Variants in IGSF11 observed in about 807,000 individuals in gnomAD.
The protein encoded by IGSF11 is CXADR like 1.
In IGSF11, 22 loss-of-function variants were observed where a neutral mutation model predicts 41.0. The ratio of observed to expected loss-of-function variants is 0.54; its 90% CI spans 0.38 to 0.77. IGSF11 has a LOEUF of 0.77. Ranked by LOEUF, IGSF11 falls within the 30% of genes least tolerant of loss-of-function variation. The pLI, the probability that IGSF11 is intolerant of heterozygous loss-of-function variation, is 0.00. For synonymous variants in IGSF11, 219 were observed against 201.3 expected (o/e 1.09, Z -0.74); for missense variants, 444 against 530.8 (o/e 0.84, Z 1.61).
intron 1 of IGSF11, among the ~76,000 whole-genome samples, chr3:118,990,161 AAG>A (rs1935651395): frequency 6.6e-6 from 1 of 152,220 alleles, no homozygotes; most frequent in Non-Finnish European, 1.5e-5. Context: ...GGAACCACTG[AAG>A]AGTTTTATAA....
intron 1 of IGSF11, among the ~76,000 whole-genome samples, chr3:119,084,882 A>T (rs1368612661): frequency 6.6e-6 from 1 of 152,168 alleles, no homozygotes; most frequent in Non-Finnish European, 1.5e-5. Context: ...CCAAGACAGG[A>T]TCTGTGCCCG....
chr3:119,027,339 T>C (rs992247165), intron 1 of IGSF11, among the ~76,000 whole-genome samples: 4 of 152,216 alleles, frequency 2.6e-5, no homozygotes, highest in African/African-American at 9.6e-5. Context: ...CAAAATTATC[T>C]GAAAATGCTG....
chr3:118,951,311 C>A (rs1451495093), intron 1 of IGSF11, among the ~76,000 whole-genome samples: 1 of 152,136 alleles, frequency 6.6e-6, no homozygotes, highest in Non-Finnish European at 1.5e-5. Flanking sequence ...AGCTGGCTGA[C>A]AAATGAGTAT....
At chr3:119,088,481 T>C (rs1576784628) in intron 1 of IGSF11, among the ~76,000 whole-genome samples, 1 of 151,962 alleles carries the variant, frequency 6.6e-6, no homozygotes, top group Admixed American at 6.5e-5. Flanking sequence ...GTTAGAAAGA[T>C]CTCATATTAA....
chr3:118,970,800 A>C (rs991955880), intron 1 of IGSF11, among the ~76,000 whole-genome samples: 3 of 152,130 alleles, frequency 2.0e-5, no homozygotes, highest in Admixed American at 2.0e-4. Context: ...TAAAATCTTA[A>C]AGCATTAAAA....
chr3:118,957,535 T>A (rs1945048426), intron 1 of IGSF11, among the ~76,000 whole-genome samples: 1 of 152,214 alleles, frequency 6.6e-6, no homozygotes, highest in African/African-American at 2.4e-5. Context: ...AATAGTATTC[T>A]CTTATCAGAA....
At chr3:119,085,605 A>G (rs2076658428) in intron 1 of IGSF11, among the ~76,000 whole-genome samples, 1 of 152,212 alleles carries the variant, frequency 6.6e-6, no homozygotes, top group African/African-American at 2.4e-5. Flanking sequence ...ATCAACATCC[A>G]GGTGAAAGTT....
intron 1 of IGSF11, among the ~76,000 whole-genome samples, chr3:119,003,506 C>T (rs1352717935): frequency 3.3e-5 from 5 of 151,060 alleles, no homozygotes; most frequent in Non-Finnish European, 5.9e-5. Context: ...ACTTCCAACA[C>T]TATGTTGAAT....
At chr3:119,108,209 C>A (rs950098461), upstream of IGSF11, among the ~76,000 whole-genome samples, 12 of 151,662 alleles carry the variant, frequency 7.9e-5, no homozygotes, top group African/African-American at 2.7e-4. Flanking sequence ...ATTGATTCTT[C>A]CTACCCATGA....
rs1938882746 is a variant in IGSF11 at position 118,901,745 on chromosome 3, T to C, written c.*775A>G. ...CTTTCTTAGCCCAATGCCTCTCATG[T>C]ATTTAAAAAAAAAAAAAAGCCTTTT... On this transcript the variant is annotated 3_prime_UTR_variant, in exon 7 of 7. Transcript: ENST00000393775. 7.9e-6 allele frequency: 1 copy of C among 126,646 alleles called. No homozygotes were observed. Among genetic ancestry groups the C allele is most frequent in the Non-Finnish European group, 1.6e-5 (1 of 63,262 alleles). 7.8% of individuals were successfully genotyped at this position (126,646 alleles called of 1,614,324 possible).
chr3:118,932,919 A>T (rs1167608491), intron 1 of IGSF11, among the ~76,000 whole-genome samples: 2 of 152,212 alleles, frequency 1.3e-5, no homozygotes, highest in Non-Finnish European at 2.9e-5. Flanking sequence ...TCTTTGATAC[A>T]AATTTTTTAA....
chr3:118,966,990 T>C (rs1945729127), intron 1 of IGSF11, among the ~76,000 whole-genome samples: 1 of 151,722 alleles, frequency 6.6e-6, no homozygotes, highest in South Asian at 2.1e-4. Flanking sequence ...AAAGATAAGC[T>C]AAGAAAGGGA....
rs1365425591 is a variant in IGSF11, at chr3:119,058,829, A to G, written c.49+46315T>C. On this transcript the variant is annotated intron_variant, in intron 1 of 6. Coordinates refer to the IGSF11 transcript ENST00000354673. The stretch of plus-strand genomic sequence containing the variant: ...ATGAGTTCATGTCCTTTGTAGGGAC[A>G]TGGATGAAGCTGGAAACCATCATTC... Among the ~76,000 whole-genome samples the G allele has an allele frequency of 2.0e-5, 3 of 152,226 alleles. No individual in the cohort carries two copies. In the East Asian group the frequency reaches 5.8e-4, roughly 29 times the overall value.
intron 1 of IGSF11, chr3:118,981,820 C>A (rs1934753584): frequency 6.6e-6 from 1 of 152,434 alleles, no homozygotes; most frequent in Admixed American, 6.5e-5. Flanking sequence ...CCAGTAAAGA[C>A]TTCGACCCAC....
At chr3:118,974,212 T>C (rs1453516829) in intron 1 of IGSF11, among the ~76,000 whole-genome samples, 2 of 152,054 alleles carry the variant, frequency 1.3e-5, no homozygotes, top group Admixed American at 6.5e-5. Flanking sequence ...AACGTCAAGA[T>C]AGAAGCATGG....
intron 1 of IGSF11, among the ~76,000 whole-genome samples, chr3:119,049,365 G>A (rs1941515148): frequency 6.6e-6 from 1 of 151,980 alleles, no homozygotes; most frequent in Non-Finnish European, 1.5e-5. Flanking sequence ...CAGACAAACA[G>A]AGAGCCAAAT....
chr3:118,939,100 A>G (rs996106093), intron 1 of IGSF11, among the ~76,000 whole-genome samples: 1 of 152,238 alleles, frequency 6.6e-6, no homozygotes, highest in Non-Finnish European at 1.5e-5. Flanking sequence ...AGGATGTTCT[A>G]CCTAACACCA....
chr3:119,140,846 C>T (rs1323667249), intron 1 of IGSF11, among the ~76,000 whole-genome samples: 4 of 132,118 alleles, frequency 3.0e-5, no homozygotes, highest in Admixed American at 1.4e-4. Flanking sequence ...GAGTTCGAGA[C>T]CAGTCTGGCT....
chr3:119,027,927 G>C (rs1445194812), intron 1 of IGSF11, among the ~76,000 whole-genome samples: 2 of 152,134 alleles, frequency 1.3e-5, no homozygotes, highest in African/African-American at 4.8e-5. Context: ...AGTCTGATTT[G>C]AATATGTCCT....
Sources: allele counts gnomAD v4.1 joint callset (sites outside exome capture counted in the v4.1 genomes callset), GRCh38; gene constraint gnomAD v4.1.1; transcripts MANE v1.5; gene names NCBI Gene and HGNC (gene_info 2026-07-23, HGNC 2026-07-21).